The following PIK3CB variants were observed in gnomAD, a reference collection of about 807,000 sequenced individuals.
PIK3CB encodes the protein phosphatidylinositol 4,5-bisphosphate 3-kinase catalytic subunit beta isoform.
A neutral mutation model predicts 136.8 loss-of-function variants in PIK3CB; 39 were observed. The observed-to-expected ratio is 0.29, with a 90% CI of 0.22 to 0.37. PIK3CB has a LOEUF of 0.37. Ranked by LOEUF, PIK3CB falls within the 10% of genes least tolerant of loss-of-function variation. The pLI is 1.00. For synonymous variants in PIK3CB, 428 were observed against 436.6 expected (o/e 0.98, Z 0.25); for missense variants, 868 against 1,275.4 (o/e 0.68, Z 4.87).
intron 1 of PIK3CB, among the ~76,000 whole-genome samples, chr3:138,806,932 C>T (rs1346533073): frequency 6.6e-6 from 1 of 152,216 alleles, no homozygotes; most frequent in Non-Finnish European, 1.5e-5. Context: ...ATAATATGCG[C>T]AAGCATTCCA....
At chr3:138,829,748 C>G (rs1171275006) in intron 1 of PIK3CB, among the ~76,000 whole-genome samples, 1 of 150,948 alleles carries the variant, frequency 6.6e-6, no homozygotes, top group Non-Finnish European at 1.5e-5. Context: ...GATTGCGCCA[C>G]TGTACTCCAG....
At chr3:138,729,635 T>G (rs1219563656) in intron 8 of PIK3CB, among the ~76,000 whole-genome samples, 3 of 152,140 alleles carry the variant, frequency 2.0e-5, no homozygotes, top group Non-Finnish European at 4.4e-5. Context: ...TGGCTCTTCC[T>G]GGGTTTGAGT....
chr3:138,708,343 C>T (rs1158953406), intron 10 of PIK3CB, among the ~76,000 whole-genome samples: 15 of 149,588 alleles, frequency 1.0e-4, no homozygotes, highest in African/African-American at 3.4e-4. Flanking sequence ...TCACTGCAAC[C>T]TCCACCTCCC....
chr3:138,719,084 T>C (rs2044671961), intron 8 of PIK3CB, among the ~76,000 whole-genome samples: 1 of 152,108 alleles, frequency 6.6e-6, no homozygotes, highest in Non-Finnish European at 1.5e-5. Context: ...TCAAAAAGCC[T>C]GGGCACTTTC....
At chr3:138,777,110 G>T (rs931919156) in intron 2 of PIK3CB, among the ~76,000 whole-genome samples, 1 of 152,116 alleles carries the variant, frequency 6.6e-6, no homozygotes, top group Non-Finnish European at 1.5e-5. Context: ...TGTGGGCAAA[G>T]TCATCTCCAA....
intron 10 of PIK3CB, among the ~76,000 whole-genome samples, chr3:138,710,471 T>C (rs1257641886): frequency 6.6e-6 from 1 of 152,144 alleles, no homozygotes; most frequent in African/African-American, 2.4e-5. Flanking sequence ...ACAACTTCAC[T>C]AGATATATCA....
intron 8 of PIK3CB, among the ~76,000 whole-genome samples, chr3:138,716,820 C>T (rs1638782821): frequency 1.5e-5 from 2 of 137,190 alleles, no homozygotes; most frequent in African/African-American, 5.5e-5. Flanking sequence ...CACTTGAACC[C>T]AGGAGGCGGG....
intron 21 of PIK3CB, among the ~76,000 whole-genome samples, chr3:138,663,107 T>C (rs1231073383): frequency 6.6e-6 from 1 of 151,910 alleles, no homozygotes; most frequent in African/African-American, 2.4e-5. Context: ...GAAACTACCA[T>C]CAGAGTGAAC....
At chr3:138,710,698 C>T (rs954409668) in intron 10 of PIK3CB, among the ~76,000 whole-genome samples, 2 of 152,160 alleles carry the variant, frequency 1.3e-5, no homozygotes, top group Non-Finnish European at 2.9e-5. Flanking sequence ...ATCTACCTCA[C>T]TTGATGAGGG....
intron 9 of PIK3CB, among the ~76,000 whole-genome samples, chr3:138,714,173 C>A (rs937241535): frequency 6.6e-6 from 1 of 152,076 alleles, no homozygotes; most frequent in Non-Finnish European, 1.5e-5. Context: ...CATCATTCTT[C>A]ATATCTTCTT....
intron 2 of PIK3CB, among the ~76,000 whole-genome samples, chr3:138,764,302 T>A (rs1277801322): frequency 7.6e-5 from 11 of 144,250 alleles, no homozygotes; most frequent in African/African-American, 2.6e-4. Context: ...AAAAAAAAAA[T>A]TAGCCAAGAG....
At chr3:138,761,196 C>T (rs925782143) in intron 2 of PIK3CB, among the ~76,000 whole-genome samples, 1 of 152,198 alleles carries the variant, frequency 6.6e-6, no homozygotes, top group African/African-American at 2.4e-5. Flanking sequence ...ATAGTCAGTA[C>T]TTACCATTCA....
At chr3:138,742,916 G>A in intron 4 of PIK3CB, 135 bp from the exon 5 acceptor site, 3 of 505,610 alleles carry the variant, frequency 5.9e-6, no homozygotes, top group South Asian at 3.2e-5. Flanking sequence ...ATGAAACTAG[G>A]GAGGAAAATA....
At chr3:138,800,905 C>G (rs929693585) in intron 1 of PIK3CB, among the ~76,000 whole-genome samples, 1 of 152,118 alleles carries the variant, frequency 6.6e-6, no homozygotes, top group Admixed American at 6.5e-5. Context: ...GGATTATAGG[C>G]GTGAGCCACC....
chr3:138,754,934 T>A (rs1193157987), intron 4 of PIK3CB, among the ~76,000 whole-genome samples: 1 of 152,190 alleles, frequency 6.6e-6, no homozygotes, highest in Non-Finnish European at 1.5e-5. Flanking sequence ...TTCAAGTCAG[T>A]ACCCTCTCTA....
At chr3:138,707,626 A>C in intron 10 of PIK3CB, 2,424 of 848,532 alleles carry the variant, frequency 2.9e-3, no homozygotes, top group Non-Finnish European at 3.2e-3. Context: ...CTATAATCTC[A>C]TCACTACATA....
At chr3:138,786,075 G>C (rs1003220461) in intron 2 of PIK3CB, among the ~76,000 whole-genome samples, 1 of 152,022 alleles carries the variant, frequency 6.6e-6, no homozygotes, top group Non-Finnish European at 1.5e-5. Context: ...TGGAGTATAT[G>C]AAGCAAGACT....
chr3:138,814,377 T>C (rs545174537), intron 1 of PIK3CB, among the ~76,000 whole-genome samples: 33 of 150,856 alleles, frequency 2.2e-4, no homozygotes, highest in Non-Finnish European at 4.4e-4. Context: ...ACTAGGGAGG[T>C]TGAGGCAGGA....
chr3:138,804,660 G>T (rs554737166), intron 1 of PIK3CB, among the ~76,000 whole-genome samples: 2 of 152,130 alleles, frequency 1.3e-5, no homozygotes, highest in Admixed American at 6.6e-5. Flanking sequence ...ATCACTAAAT[G>T]CAAGACGCAA....
Sources: allele counts gnomAD v4.1 joint callset (sites outside exome capture counted in the v4.1 genomes callset), GRCh38; gene constraint gnomAD v4.1.1; transcripts MANE v1.5; gene names NCBI Gene and HGNC (gene_info 2026-07-23, HGNC 2026-07-21).